CNTN4: variants seen among roughly 807,000 people sequenced by gnomAD.
CNTN4 encodes contactin 4.
Under a neutral mutation model 122.5 loss-of-function variants are expected in CNTN4, and 77 were observed. That is an observed-to-expected ratio of 0.63 (90% CI 0.52 to 0.76). The LOEUF is 0.76. Ranked by LOEUF, CNTN4 falls within the 30% of genes least tolerant of loss-of-function variation. The probability of loss-of-function intolerance (pLI) is 0.00; values close to 1 mark genes in which losing one functional copy is unlikely to be tolerated. For synonymous variants in CNTN4, 512 were observed against 447.0 expected, an observed-to-expected ratio of 1.15 and a Z score of -1.83; for missense variants, 1,256 against 1,259.1, an observed-to-expected ratio of 1.00 and a Z score of 0.04.
At chr3:2,649,874 A>G (rs2083285898) in intron 4 of CNTN4, among the ~76,000 whole-genome samples, 1 of 152,040 alleles carries the variant, frequency 6.6e-6, no homozygotes, top group Admixed American at 6.6e-5. Flanking sequence ...CATACCTGTA[A>G]TACTAGCACT....
chr3:2,823,191 G>A (rs1204961768), intron 7 of CNTN4, among the ~76,000 whole-genome samples: 1 of 152,162 alleles, frequency 6.6e-6, no homozygotes, highest in Non-Finnish European at 1.5e-5. Flanking sequence ...TGGACATACT[G>A]AGCATTTTAG....
chr3:2,746,119 T>C (rs1162011080), intron 6 of CNTN4, among the ~76,000 whole-genome samples: 1 of 152,058 alleles, frequency 6.6e-6, no homozygotes, highest in Non-Finnish European at 1.5e-5. Flanking sequence ...ACATTTTAAA[T>C]AGAATGTGTA....
chr3:2,547,821 T>C (rs1326476764), intron 3 of CNTN4, among the ~76,000 whole-genome samples: 2 of 152,098 alleles, frequency 1.3e-5, no homozygotes, highest in Non-Finnish European at 2.9e-5. Flanking sequence ...TTAATAACCC[T>C]CATGTTTCTC....
At chr3:2,849,345 T>C (rs1335824157) in intron 7 of CNTN4, among the ~76,000 whole-genome samples, 3 of 152,222 alleles carry the variant, frequency 2.0e-5, no homozygotes, top group African/African-American at 7.2e-5. Context: ...TGGTGATAGT[T>C]GCACAACATT....
chr3:2,216,636 C>T (rs557071174), intron 2 of CNTN4, among the ~76,000 whole-genome samples: 1 of 152,232 alleles, frequency 6.6e-6, no homozygotes, highest in African/African-American at 2.4e-5. Context: ...GTTAATGAAA[C>T]TAAGGGTGGT....
At chr3:2,735,136 C>T (rs974421617) in intron 4 of CNTN4, among the ~76,000 whole-genome samples, 3 of 152,088 alleles carry the variant, frequency 2.0e-5, no homozygotes, top group African/African-American at 7.2e-5. Flanking sequence ...AAAGTGTACT[C>T]TATGTTAGGT....
intron 6 of CNTN4, among the ~76,000 whole-genome samples, chr3:2,787,797 T>TG (rs1290422588): frequency 6.6e-6 from 1 of 151,380 alleles, no homozygotes; most frequent in African/African-American, 2.4e-5. Flanking sequence ...GTTTTTGTTT[T>TG]TTTTTTTTTT....
intron 4 of CNTN4, among the ~76,000 whole-genome samples, chr3:2,599,226 G>T (rs770295931): frequency 6.6e-6 from 1 of 152,192 alleles, no homozygotes; most frequent in African/African-American, 2.4e-5. Context: ...AATGTTACTA[G>T]TTGTAGGTTC....
At chr3:2,575,338 C>T (rs1031871594) in intron 4 of CNTN4, among the ~76,000 whole-genome samples, 1 of 151,956 alleles carries the variant, frequency 6.6e-6, no homozygotes, top group East Asian at 1.9e-4. Flanking sequence ...ATGGCGAAAC[C>T]CAGTCTCTAC....
At chr3:2,121,569 G>T (rs1416130257) in intron 2 of CNTN4, among the ~76,000 whole-genome samples, 1 of 151,878 alleles carries the variant, frequency 6.6e-6, no homozygotes, top group Non-Finnish European at 1.5e-5. Context: ...TTGTAAGTTG[G>T]TTACTATAGA....
chr3:2,111,172 C>T (rs2032925776), intron 2 of CNTN4, among the ~76,000 whole-genome samples: 1 of 152,136 alleles, frequency 6.6e-6, no homozygotes, highest in African/African-American at 2.4e-5. Flanking sequence ...GATACCAAAA[C>T]AATTATGGAT....
intron 6 of CNTN4, among the ~76,000 whole-genome samples, chr3:2,814,898 A>G (rs1231863637): frequency 6.6e-6 from 1 of 152,228 alleles, no homozygotes; most frequent in African/African-American, 2.4e-5. Context: ...GCCACATGGT[A>G]TGACTGCAAT....
At chr3:2,196,347 C>T (rs974441260) in intron 2 of CNTN4, among the ~76,000 whole-genome samples, 1 of 152,128 alleles carries the variant, frequency 6.6e-6, no homozygotes, top group Non-Finnish European at 1.5e-5. Flanking sequence ...TGAATCCTGG[C>T]TTCTATCATG....
rs73112800 is a variant in CNTN4 at position 2,887,538 on chromosome 3, G to A, written c.940+314G>A. 1.3e-3 allele frequency among the ~76,000 whole-genome samples: 201 copies of A among 151,998 alleles called. 1 individual carries two copies. The highest frequency in any genetic ancestry group is 4.7e-3 in the African/African-American group (194 of 41,480). On this transcript the variant is annotated intron_variant, in intron 10 of 24. Transcript: ENST00000418658. The stretch of plus-strand genomic sequence containing the variant: ...AAGCTGTAAACCTGACACAGGAAAC[G>A]TTTTATTATTCCTACTCCTGATTTA...
At chr3:2,160,793 G>A (rs1437999517) in intron 2 of CNTN4, among the ~76,000 whole-genome samples, 1 of 152,124 alleles carries the variant, frequency 6.6e-6, no homozygotes, top group East Asian at 1.9e-4. Flanking sequence ...TATTAAGTTT[G>A]CAGCTCCCCT....
intron 6 of CNTN4, among the ~76,000 whole-genome samples, chr3:2,799,662 C>T (rs1012195647): frequency 1.3e-5 from 2 of 152,104 alleles, no homozygotes; most frequent in Non-Finnish European, 2.9e-5. Flanking sequence ...CGGAATTTCG[C>T]CACGTTTGCC....
chr3:2,205,907 G>A (rs1206718373), intron 2 of CNTN4, among the ~76,000 whole-genome samples: 1 of 152,044 alleles, frequency 6.6e-6, no homozygotes, highest in Non-Finnish European at 1.5e-5. Context: ...AGTTCTGAAA[G>A]ATAAAAGTCT....
Position 3,038,913 on chromosome 3 carries a change from T to C in CNTN4, c.2093-20T>C, listed in dbSNP as rs1476983436. On this transcript the variant is annotated intron_variant, in intron 18 of 24. Coordinates refer to ENST00000418658, the MANE Select transcript of CNTN4 (RefSeq NM_175607.3). ...CGCCTTTGCCGCCTGACATAACTTG[T>C]TTTTTGTCTCCTTGTGCAGTCCCCG... The C allele has an allele frequency of 1.2e-6, 2 of 1,613,154 alleles. No homozygotes were observed. Among genetic ancestry groups the C allele is most frequent in the Admixed American group, 3.3e-5 (2 of 60,016 alleles).
At chr3:2,713,192 G>C (rs1306960809) in intron 4 of CNTN4, among the ~76,000 whole-genome samples, 1 of 152,062 alleles carries the variant, frequency 6.6e-6, no homozygotes, top group Non-Finnish European at 1.5e-5. Context: ...ATCTGACCAG[G>C]TATATTCAAA....
Sources: allele counts gnomAD v4.1 joint callset (sites outside exome capture counted in the v4.1 genomes callset), GRCh38; gene constraint gnomAD v4.1.1; transcripts MANE v1.5; gene names NCBI Gene and HGNC (gene_info 2026-07-23, HGNC 2026-07-21).